SHTN1: variants seen among roughly 807,000 people sequenced by gnomAD.
The protein encoded by SHTN1 is shootin 1.
In SHTN1, 42 loss-of-function variants were observed where a neutral mutation model predicts 83.1. The observed-to-expected ratio is 0.51, with a 90% CI of 0.39 to 0.65. SHTN1 has a LOEUF of 0.65. Among genes scored for constraint, SHTN1 ranks in the 30% least tolerant of loss-of-function variants. The probability of loss-of-function intolerance (pLI) is 0.00; values close to 1 mark genes in which losing one functional copy is unlikely to be tolerated. For missense variants in SHTN1, 622 were observed against 737.8 expected (o/e 0.84, Z 1.82); for synonymous variants, 224 against 247.7 (o/e 0.90, Z 0.90).
At chr10:116,970,081 G>A (rs1243894116) in intron 2 of SHTN1, among the ~76,000 whole-genome samples, 1 of 152,136 alleles carries the variant, frequency 6.6e-6, no homozygotes, top group African/African-American at 2.4e-5. Flanking sequence ...GTCACATAAT[G>A]TGAAAAATCC....
chr10:116,964,750 A>C (rs959612812), intron 3 of SHTN1, among the ~76,000 whole-genome samples: 3 of 152,204 alleles, frequency 2.0e-5, no homozygotes, highest in Non-Finnish European at 4.4e-5. Context: ...TGGGAGGCCA[A>C]GGCAGGCAGA....
At chr10:116,890,398 G>A (rs1482190718) in intron 16 of SHTN1, among the ~76,000 whole-genome samples, 2 of 152,174 alleles carry the variant, frequency 1.3e-5, no homozygotes, top group Admixed American at 6.5e-5. Flanking sequence ...CAGATGAAGT[G>A]TCCAAGGAAC....
At chr10:116,954,833 A>G (rs1849917885) in intron 4 of SHTN1, among the ~76,000 whole-genome samples, 1 of 152,150 alleles carries the variant, frequency 6.6e-6, no homozygotes, top group African/African-American at 2.4e-5. Flanking sequence ...ACATTCCACT[A>G]TAGGATCAAG....
At chr10:116,998,616 T>G (rs1851718330) in intron 1 of SHTN1, among the ~76,000 whole-genome samples, 1 of 152,230 alleles carries the variant, frequency 6.6e-6, no homozygotes, top group Non-Finnish European at 1.5e-5. Context: ...AGGCACCTAC[T>G]GCAGGTGTTG....
chr10:116,889,131 T>C (rs554683831), intron 16 of SHTN1, among the ~76,000 whole-genome samples: 71 of 152,246 alleles, frequency 4.7e-4, no homozygotes, highest in Non-Finnish European at 8.5e-4. Flanking sequence ...GATGTTTCCA[T>C]GCTCGTGTGT....
intron 1 of SHTN1, among the ~76,000 whole-genome samples, chr10:117,125,244 T>C (rs1313690095): frequency 6.6e-6 from 1 of 152,138 alleles, no homozygotes; most frequent in Non-Finnish European, 1.5e-5. Context: ...TTGAACTTAT[T>C]TGCCACCCTC....
intron 2 of SHTN1, among the ~76,000 whole-genome samples, chr10:116,969,390 G>A (rs781330254): frequency 4.0e-5 from 6 of 151,680 alleles, no homozygotes; most frequent in Non-Finnish European, 7.4e-5. Context: ...GCACTGAGCC[G>A]AGATCACACC....
chr10:116,923,555 CTTTCCTTTT>C (rs1396182666), intron 11 of SHTN1, among the ~76,000 whole-genome samples: 5 of 149,998 alleles, frequency 3.3e-5, no homozygotes, highest in Non-Finnish European at 7.4e-5. Flanking sequence ...TGCTTCCTTT[CTTTCCTTTT>C]TTTTTTTTTG....
intron 2 of SHTN1, among the ~76,000 whole-genome samples, chr10:117,026,620 C>G (rs1564934547): frequency 6.6e-6 from 1 of 152,166 alleles, no homozygotes; most frequent in African/African-American, 2.4e-5. Flanking sequence ...CAGGGTTTCA[C>G]CATGTTGGTC....
chr10:116,911,551 A>G, intron 14 of SHTN1: 1 of 1,550,710 alleles, frequency 6.4e-7, no homozygotes, highest in Non-Finnish European at 8.7e-7. Flanking sequence ...AACAGGAAAC[A>G]ATGACTTTGG....
chr10:116,989,292 A>G (rs1039619330), intron 1 of SHTN1, among the ~76,000 whole-genome samples: 1 of 152,242 alleles, frequency 6.6e-6, no homozygotes, highest in Admixed American at 6.5e-5. Context: ...TCCATATTTT[A>G]TTCCGACTTC....
chr10:116,913,340 A>G (rs1848273182), intron 13 of SHTN1, among the ~76,000 whole-genome samples: 1 of 152,218 alleles, frequency 6.6e-6, no homozygotes, highest in Non-Finnish European at 1.5e-5. Context: ...TCAAGCATGC[A>G]GTGACAATTT....
At chr10:116,987,007 G>A (rs933676330) in intron 1 of SHTN1, among the ~76,000 whole-genome samples, 3 of 152,034 alleles carry the variant, frequency 2.0e-5, no homozygotes, top group African/African-American at 7.3e-5. Context: ...GATTACAGGT[G>A]TGAACCACCG....
At chr10:117,060,495 T>C (rs979134492) in intron 1 of SHTN1, among the ~76,000 whole-genome samples, 2 of 152,182 alleles carry the variant, frequency 1.3e-5, no homozygotes, top group African/African-American at 4.8e-5. Flanking sequence ...AATTATTTCT[T>C]CATTCATGGC....
chr10:117,035,947 CAAAAAAAA>C (rs35033048), intron 2 of SHTN1, among the ~76,000 whole-genome samples: 2 of 72,202 alleles, frequency 2.8e-5, no homozygotes, highest in Non-Finnish European at 4.8e-5. Flanking sequence ...AACTCCATCT[CAAAAAAAA>C]AAAAAAAAAA....
intron 2 of SHTN1, among the ~76,000 whole-genome samples, chr10:117,030,580 T>C (rs1447294456): frequency 6.6e-6 from 1 of 152,018 alleles, no homozygotes; most frequent in Non-Finnish European, 1.5e-5. Context: ...AAATAGCCAT[T>C]TTGAGGAAAC....
Position 116,912,136 on chromosome 10 carries a change from T to C in SHTN1, c.1306-293A>G, listed in dbSNP as rs140489702. 9.2e-5 allele frequency among the ~76,000 whole-genome samples: 14 copies of C among 152,314 alleles called. No homozygotes were observed. In the East Asian group the frequency reaches 2.5e-3, roughly 27 times the overall value. ...GATTATTATCATAGACAGAGAAGAT[T>C]TGGTAGACATCGGATTTCAAAGATC... is the stretch of plus-strand genomic sequence containing the variant. On this transcript the variant is annotated intron_variant, in intron 13 of 16. Coordinates refer to ENST00000355371, the MANE Select transcript of SHTN1 (RefSeq NM_001127211.3).
intron 1 of SHTN1, among the ~76,000 whole-genome samples, chr10:116,985,125 T>G (rs1356297825): frequency 6.6e-6 from 1 of 152,216 alleles, no homozygotes; most frequent in Non-Finnish European, 1.5e-5. Flanking sequence ...TATAACATTA[T>G]AAATTATCTG....
chr10:117,105,745 T>C (rs990372784), intron 1 of SHTN1, among the ~76,000 whole-genome samples: 10 of 152,200 alleles, frequency 6.6e-5, no homozygotes, highest in African/African-American at 2.4e-4. Context: ...AAGCCCGACA[T>C]GGTGGCTCAC....
Sources: allele counts gnomAD v4.1 joint callset (sites outside exome capture counted in the v4.1 genomes callset), GRCh38; gene constraint gnomAD v4.1.1; transcripts MANE v1.5; gene names NCBI Gene and HGNC (gene_info 2026-07-23, HGNC 2026-07-21).